Variants in SOCS5 observed in about 807,000 individuals in gnomAD.
SOCS5 encodes the protein CIS-6.
Under a neutral mutation model 42.8 loss-of-function variants are expected in SOCS5, and 32 were observed. The ratio of observed to expected loss-of-function variants is 0.75; its 90% CI spans 0.56 to 1.01. The LOEUF (loss-of-function observed/expected upper bound fraction) is 1.01, where lower values mean the gene tolerates loss of function less well. SOCS5 is among the 50% of genes least tolerant of loss of function. The pLI is 0.00. For synonymous variants in SOCS5, 283 were observed against 229.6 expected (o/e 1.23, Z -2.10); for missense variants, 627 against 653.0 (o/e 0.96, Z 0.43).
intron 1 of SOCS5, among the ~76,000 whole-genome samples, chr2:46,732,488 C>T (rs1169055773): frequency 6.6e-6 from 1 of 152,200 alleles, no homozygotes; most frequent in East Asian, 1.9e-4. Context: ...GTAGTTTGAA[C>T]TTGGAAAGAA....
intron 1 of SOCS5, among the ~76,000 whole-genome samples, chr2:46,754,641 C>G (rs370436842): frequency 1.3e-5 from 2 of 151,796 alleles, no homozygotes; most frequent in Non-Finnish European, 2.9e-5. Flanking sequence ...ATCATGTACA[C>G]TGTAATAGTG....
intron 1 of SOCS5, among the ~76,000 whole-genome samples, chr2:46,726,981 C>T (rs960205446): frequency 9.9e-5 from 15 of 151,812 alleles, no homozygotes; most frequent in Admixed American, 2.0e-4. Flanking sequence ...GTCTCGAACT[C>T]CCGATCTCAG....
chr2:46,744,980 A>G (rs970620827), intron 1 of SOCS5, among the ~76,000 whole-genome samples: 2 of 151,396 alleles, frequency 1.3e-5, no homozygotes, highest in Non-Finnish European at 2.9e-5. Context: ...GAAAATCTGT[A>G]TAACAAGATG....
intron 1 of SOCS5, among the ~76,000 whole-genome samples, chr2:46,735,363 C>G (rs934432662): frequency 6.6e-6 from 1 of 152,080 alleles, no homozygotes; most frequent in African/African-American, 2.4e-5. Flanking sequence ...AAAAGCTTCC[C>G]TAAAGCCTCC....
At chr2:46,703,327 C>G (rs1480582403) in intron 1 of SOCS5, among the ~76,000 whole-genome samples, 9 of 151,540 alleles carry the variant, frequency 5.9e-5, no homozygotes, top group African/African-American at 1.5e-4. Context: ...CTAAGAAAGC[C>G]ACATGTAGCC....
At chr2:46,725,039 A>T (rs72802441) in intron 1 of SOCS5, among the ~76,000 whole-genome samples, 8,713 of 151,838 alleles carry the variant, frequency 0.057, 319 homozygotes, top group Non-Finnish European at 0.086. Flanking sequence ...TATATTTTGA[A>T]GTTCTGTTGT....
At chr2:46,736,714 T>C (rs570670941) in intron 1 of SOCS5, among the ~76,000 whole-genome samples, 46 of 152,312 alleles carry the variant, frequency 3.0e-4, no homozygotes, top group African/African-American at 1.1e-3. Context: ...GGTTTGTCCA[T>C]GCATATGTTG....
intron 1 of SOCS5, among the ~76,000 whole-genome samples, chr2:46,738,094 G>A (rs1405387503): frequency 6.6e-6 from 1 of 152,172 alleles, no homozygotes; most frequent in East Asian, 1.9e-4. Context: ...AGAATTGAAT[G>A]GTAGAGGGCC....
At chr2:46,742,297 T>C (rs1673395231) in intron 1 of SOCS5, among the ~76,000 whole-genome samples, 1 of 152,156 alleles carries the variant, frequency 6.6e-6, no homozygotes, top group African/African-American at 2.4e-5. Context: ...TTGCCTAGGC[T>C]GGACTTTGAG....
chr2:46,746,922 CTTTTTTTTTT>C (rs11373537), intron 1 of SOCS5, among the ~76,000 whole-genome samples: 1 of 70,792 alleles, frequency 1.4e-5, no homozygotes, highest in Non-Finnish European at 2.8e-5. Flanking sequence ...GACTTTATTT[CTTTTTTTTTT>C]TTTTTTTTTT....
At chr2:46,711,839 A>T (rs951788906) in intron 1 of SOCS5, among the ~76,000 whole-genome samples, 1 of 152,196 alleles carries the variant, frequency 6.6e-6, no homozygotes, top group Non-Finnish European at 1.5e-5. Context: ...CCAACACAGT[A>T]TACTTCCCTT....
At chr2:46,712,489 G>A (rs374891996) in intron 1 of SOCS5, among the ~76,000 whole-genome samples, 2 of 151,988 alleles carry the variant, frequency 1.3e-5, no homozygotes, top group East Asian at 1.9e-4. Flanking sequence ...GACTATAGGC[G>A]CGTGCCACCA....
chr2:46,718,762 TAG>T (rs753910183), intron 1 of SOCS5, among the ~76,000 whole-genome samples: 1 of 152,168 alleles, frequency 6.6e-6, no homozygotes, highest in Admixed American at 6.5e-5. Flanking sequence ...CCGAAGAGCT[TAG>T]AGTTATGATA....
At chr2:46,721,703 T>C (rs1415518668) in intron 1 of SOCS5, among the ~76,000 whole-genome samples, 1 of 152,190 alleles carries the variant, frequency 6.6e-6, no homozygotes, top group East Asian at 1.9e-4. Flanking sequence ...ATATATGTAG[T>C]TACAAATAAT....
intron 1 of SOCS5, among the ~76,000 whole-genome samples, chr2:46,730,501 G>T (rs754027214): frequency 1.3e-5 from 2 of 152,312 alleles, no homozygotes; most frequent in South Asian, 2.1e-4. Flanking sequence ...TTTGGAGGCT[G>T]AGGCAGGCGA....
At chr2:46,717,897 TC>T (rs1225174417) in intron 1 of SOCS5, among the ~76,000 whole-genome samples, 2 of 152,200 alleles carry the variant, frequency 1.3e-5, no homozygotes, top group Middle Eastern at 3.2e-3. Context: ...TAGATGTTAT[TC>T]TTTCACTGGT....
intron 1 of SOCS5, among the ~76,000 whole-genome samples, chr2:46,741,390 CA>C (rs1208882497): frequency 6.6e-6 from 1 of 152,130 alleles, no homozygotes; most frequent in Non-Finnish European, 1.5e-5. Flanking sequence ...AAGCGTGCGC[CA>C]CCATGCCGGG....
intron 1 of SOCS5, among the ~76,000 whole-genome samples, chr2:46,744,294 G>C (rs979192663): frequency 2.6e-5 from 4 of 151,960 alleles, no homozygotes; most frequent in African/African-American, 9.7e-5. Context: ...CCAGCCCTTT[G>C]ATACCATTTT....
intron 1 of SOCS5, among the ~76,000 whole-genome samples, chr2:46,717,075 A>T (rs1446879205): frequency 6.6e-6 from 1 of 152,150 alleles, no homozygotes; most frequent in Admixed American, 6.5e-5. Flanking sequence ...GTTACACACC[A>T]CATGTATGCA....
Sources: allele counts gnomAD v4.1 joint callset (sites outside exome capture counted in the v4.1 genomes callset), GRCh38; gene constraint gnomAD v4.1.1; transcripts MANE v1.5; gene names NCBI Gene and HGNC (gene_info 2026-07-23, HGNC 2026-07-21).